The following NEAT1 variants were observed in gnomAD, a reference collection of about 807,000 sequenced individuals.
NEAT1 encodes nuclear paraspeckle assembly transcript 1.
chr11:65,429,675 T>G (rs1047216449), exon 1 of NEAT1: 6 of 152,226 alleles, frequency 3.9e-5, no homozygotes, highest in Admixed American at 1.3e-4. Flanking sequence ...AGATAAAAGT[T>G]AAACGATTTT....
At chr11:65,445,080 C>T (rs1364058375) in exon 1 of NEAT1, 1 of 153,864 alleles carries the variant, frequency 6.5e-6, no homozygotes, top group African/African-American at 2.4e-5. Context: ...AATCCCTGCC[C>T]TCACCTATCC....
exon 1 of NEAT1, chr11:65,437,955 A>G (rs1408348896): frequency 6.6e-6 from 1 of 152,150 alleles, no homozygotes; most frequent in Non-Finnish European, 1.5e-5. Flanking sequence ...CTTGCACCCA[A>G]GGTCACATTC....
chr11:65,444,977 T>G, exon 1 of NEAT1: 1 of 170,986 alleles, frequency 5.8e-6, no homozygotes, highest in Non-Finnish European at 1.3e-5. Flanking sequence ...AGGTCTTAGA[T>G]TCCCTGTTCA....
chr11:65,427,986 G>A (rs1218143555), exon 1 of NEAT1: 1 of 152,180 alleles, frequency 6.6e-6, no homozygotes, highest in Non-Finnish European at 1.5e-5. Flanking sequence ...GACTGCTGAA[G>A]ACAGCTCGCC....
exon 1 of NEAT1, chr11:65,430,288 G>GTGGC (rs1856602817): frequency 6.6e-6 from 1 of 152,512 alleles, no homozygotes. Flanking sequence ...TCCCTTTTCT[G>GTGGC]TGGCTGGCTG....
At chr11:65,443,914 C>G (rs1354179764) in exon 1 of NEAT1, 1 of 157,632 alleles carries the variant, frequency 6.3e-6, no homozygotes, top group African/African-American at 2.4e-5. Flanking sequence ...GGTTCTGTTG[C>G]TAACACGCTG....
exon 1 of NEAT1, chr11:65,427,199 G>A (rs563764382): frequency 6.6e-6 from 1 of 152,380 alleles, no homozygotes; most frequent in African/African-American, 2.4e-5. Flanking sequence ...GCTGTTCTGT[G>A]TTACCTCTTG....
chr11:65,437,207 A>C (rs1422951318), exon 1 of NEAT1: 1 of 139,050 alleles, frequency 7.2e-6, no homozygotes, highest in Non-Finnish European at 1.5e-5. Flanking sequence ...ATATATATAT[A>C]TATGTATATA....
exon 1 of NEAT1, chr11:65,433,019 A>C (rs1177331291): frequency 6.6e-6 from 1 of 151,864 alleles, no homozygotes; most frequent in East Asian, 1.9e-4. Context: ...CAAAAAAAAA[A>C]AAAACCACAA....
exon 1 of NEAT1, chr11:65,433,717 TG>T (rs1431980361): frequency 1.3e-5 from 2 of 150,308 alleles, no homozygotes. Context: ...TTTTTCTTTA[TG>T]TGTGTGTGTG....
exon 1 of NEAT1, chr11:65,423,761 C>T (rs1301228896): frequency 6.6e-6 from 1 of 152,210 alleles, no homozygotes; most frequent in Non-Finnish European, 1.5e-5. Flanking sequence ...AAGCCCGGGA[C>T]AGTAAGCCGA....
At chr11:65,433,734 GT>G (rs1023808170) in exon 1 of NEAT1, 23 of 147,282 alleles carry the variant, frequency 1.6e-4, no homozygotes, top group African/African-American at 5.7e-4. Flanking sequence ...GTGTGTGTGT[GT>G]ATATATATAT....
At chr11:65,429,000 A>G (rs1856588962) in exon 1 of NEAT1, 2 of 152,158 alleles carry the variant, frequency 1.3e-5, no homozygotes, top group South Asian at 4.1e-4. Flanking sequence ...TATGCCATAA[A>G]TTCTATTTTG....
exon 1 of NEAT1, chr11:65,436,316 CTG>C (rs1172101421): frequency 6.6e-6 from 1 of 152,286 alleles, no homozygotes; most frequent in East Asian, 1.9e-4. Context: ...AAGGTGACAA[CTG>C]TGTGACCCAT....
At chr11:65,444,432 G>A (rs1297671187) in exon 1 of NEAT1, 1 of 472,050 alleles carries the variant, frequency 2.1e-6, no homozygotes, top group Non-Finnish European at 4.4e-6. Flanking sequence ...CCCTGAGCAG[G>A]TTACAGTCCT....
chr11:65,430,061 T>G (rs1856600709), exon 1 of NEAT1: 1 of 152,288 alleles, frequency 6.6e-6, no homozygotes, highest in South Asian at 2.1e-4. Flanking sequence ...TGGAGCTGGT[T>G]CGAATCCTGA....
exon 1 of NEAT1, chr11:65,444,584 G>A (rs1444418816): frequency 4.3e-6 from 2 of 466,178 alleles, no homozygotes; most frequent in Admixed American, 4.9e-5. Flanking sequence ...CTCGTGGGGG[G>A]CTCCCACGGA....
exon 1 of NEAT1, chr11:65,428,057 C>G (rs1565630118): frequency 6.6e-6 from 1 of 152,184 alleles, no homozygotes. Context: ...TTCATTTATC[C>G]TCAGATCAGG....
exon 1 of NEAT1, chr11:65,436,468 T>A (rs1856658638): frequency 6.6e-6 from 1 of 152,246 alleles, no homozygotes; most frequent in Non-Finnish European, 1.5e-5. Context: ...TACCTGCACA[T>A]GTTTGAACTT....
Sources: gnomAD v4.1 joint callset for allele counts on GRCh38, gnomAD v4.1.1 for gene constraint, MANE v1.5 for transcripts, NCBI Gene and HGNC (gene_info 2026-07-23, HGNC 2026-07-21) for gene names.